Variants in PNLIP observed in about 807,000 individuals in gnomAD.
PNLIP encodes pancreatic lipase.
A neutral mutation model predicts 57.1 loss-of-function variants in PNLIP; 49 were observed. That is an observed-to-expected ratio of 0.86 (90% CI 0.68 to 1.09). PNLIP has a LOEUF of 1.09. Ranked by LOEUF, PNLIP falls within the 50% of genes least tolerant of loss-of-function variation. The pLI is 0.00. For synonymous variants in PNLIP, 209 were observed against 200.4 expected (o/e 1.04, Z -0.36); for missense variants, 503 against 570.2 (o/e 0.88, Z 1.20).
chr10:116,552,411 G>T (rs984334176), intron 5 of PNLIP, among the ~76,000 whole-genome samples: 3 of 152,064 alleles, frequency 2.0e-5, no homozygotes, highest in Non-Finnish European at 4.4e-5. Context: ...TCCTGACCCT[G>T]TGTAGGCCTA....
In PNLIP at chr10:116,556,196, C is replaced by T. The variant is rs180853154; in HGVS notation, c.930+78C>T. 9.0e-6 allele frequency: 7 copies of T among 780,648 alleles called. No homozygotes were observed. The East Asian group carries it at 1.5e-4, about 16-fold the overall frequency. 48.4% of individuals were successfully genotyped at this position (780,648 alleles called of 1,614,324 possible). On this transcript the variant is annotated intron_variant, in intron 9 of 12. Transcript: ENST00000369221. ...GACTGGTGTGCTTTCCTATACATGA[C>T]ATCATTCAATGAATGTTTATACTTT... is the stretch of plus-strand genomic sequence containing the variant.
At chr10:116,554,510 T>C (rs1847231272) in intron 6 of PNLIP, among the ~76,000 whole-genome samples, 1 of 152,146 alleles carries the variant, frequency 6.6e-6, no homozygotes, top group African/African-American at 2.4e-5. Flanking sequence ...AGCTCACATA[T>C]TGGATACCCA....
chr10:116,547,918 T>G (rs2133197505), intron 3 of PNLIP, among the ~76,000 whole-genome samples: 1 of 152,162 alleles, frequency 6.6e-6, no homozygotes, highest in East Asian at 1.9e-4. Context: ...CTTCATATTA[T>G]TCTTGTCCTT....
chr10:116,551,103 G>A lies in PNLIP; in HGVS notation c.330G>A (p.Leu110=). 6.3e-7 allele frequency: 1 copy of A among 1,591,320 alleles called. No individual in the cohort carries two copies. The highest frequency in any genetic ancestry group is 1.7e-5 in the Admixed American group (1 of 57,656). The change falls in exon 5 of 13, where the codon CTG becomes CTA. Residue 110 remains leucine (L), a synonymous_variant. Coordinates refer to ENST00000369221, the MANE Select transcript of PNLIP (RefSeq NM_000936.4). The part of the protein sequence containing the change: ...ENWLANVCKN[L]FKVESVNCIC... ...TATTGTGCCCCTTCCACCAGAATCT[G>A]TTCAAGGTGGAAAGTGTGAACTGTA...
At chr10:116,557,865 A>T (rs1213937899) in intron 9 of PNLIP, among the ~76,000 whole-genome samples, 3 of 152,120 alleles carry the variant, frequency 2.0e-5, no homozygotes, top group Non-Finnish European at 4.4e-5. Flanking sequence ...TCAGCCTCAC[A>T]GTAAGCCTTA....
At position 116,546,130 on chromosome 10, in the gene PNLIP, C is replaced by T. The variant is rs748617378; in HGVS notation, c.38C>T (p.Ala13Val). 8 of 1,613,192 alleles carry T rather than the reference C, an allele frequency of 5.0e-6. No individual in the cohort carries two copies. The Admixed American group carries it at 1.3e-4, about 27-fold the overall frequency. Residue 13 changes from alanine to valine, a missense_variant, in exon 2 of 13, where the codon GCA becomes GTA. Coordinates refer to ENST00000369221, the MANE Select transcript of PNLIP (RefSeq NM_000936.4). ...PLWTLSLLLG[A>V]VAGKEVCYER... ...TGGACTCTTTCACTGCTGCTGGGAG[C>T]AGTAGCAGGTAAGAAAACAAATAAA...
At position 116,559,188 on chromosome 10, in the gene PNLIP, C is replaced by A. The variant is rs778964610; in HGVS notation, c.965C>A (p.Pro322Gln). ...TTCCCTTGTCCAAGTGGAGGCTGCC[C>A]ACAGATGGGTCACTATGCTGATAGA... is the stretch of plus-strand genomic sequence containing the variant. ...KCFPCPSGGCPQMGHYADRYP... is the reference protein window; with the variant it reads ...KCFPCPSGGCQQMGHYADRYP... Residue 322 changes from proline (P) to glutamine (Q), a missense_variant, in exon 10 of 13, where the codon CCA becomes CAA. Physicochemically the swap from Pro to Gln is moderately conservative, Grantham distance 76. Transcript: ENST00000369221. The A allele has an allele frequency of 2.5e-6, 4 of 1,613,436 alleles. No homozygotes were observed. In the African/African-American group the frequency reaches 5.3e-5, roughly 22 times the overall value.
At chr10:116,558,220 C>T (rs1189196916) in intron 9 of PNLIP, among the ~76,000 whole-genome samples, 14 of 136,704 alleles carry the variant, frequency 1.0e-4, no homozygotes, top group East Asian at 6.4e-4. Flanking sequence ...TTTTTTGAGA[C>T]GGAGTCTCGC....
At chr10:116,553,995 C>G (rs534788371) in intron 6 of PNLIP, among the ~76,000 whole-genome samples, 157 bp downstream of exon 6, 1 of 151,716 alleles carries the variant, frequency 6.6e-6, no homozygotes, top group Non-Finnish European at 1.5e-5. Context: ...CTAAATGCAG[C>G]CTGTATGTGA....
At chr10:116,558,506 C>T (rs965640932) in intron 9 of PNLIP, among the ~76,000 whole-genome samples, 3 of 151,432 alleles carry the variant, frequency 2.0e-5, no homozygotes, top group African/African-American at 7.3e-5. Context: ...CTTATGCAAT[C>T]TTTCTAAAAT....
chr10:116,553,061 A>C (rs865802741), intron 5 of PNLIP, among the ~76,000 whole-genome samples: 3 of 152,176 alleles, frequency 2.0e-5, no homozygotes, highest in Admixed American at 6.5e-5. Flanking sequence ...CCAGTCCTGC[A>C]AGCTCCATTC....
rs368853199 is a variant in PNLIP, at chr10:116,567,848, G to A, written c.*50G>A. The A allele has an allele frequency of 3.7e-6, 5 of 1,335,236 alleles. No homozygotes were observed. Among genetic ancestry groups the A allele is most frequent in the Non-Finnish European group, 4.3e-6 (4 of 925,494 alleles). The allele number at this position is 1,335,236 out of a possible 1,614,324, so 82.7% of individuals were successfully genotyped here. ...AATTGACTTCTAATAAAATCTAGTG[G>A]TGATGCATTACATGCCTGTTTCTTT... On this transcript the variant is annotated 3_prime_UTR_variant, in exon 13 of 13. Coordinates refer to ENST00000369221, the MANE Select transcript of PNLIP (RefSeq NM_000936.4).
Position 116,547,437 on chromosome 10 carries a change from A to G in PNLIP, c.190A>G (p.Asn64Asp). 6.2e-7 allele frequency: 1 copy of G among 1,612,018 alleles called. No homozygotes were observed. The highest frequency in any genetic ancestry group is 8.5e-7 in the Non-Finnish European group (1 of 1,179,412). ...CCTCCTATATACTAATGAGAACCCA[A>G]ACAACTTTCAAGTAAGAACTATCAC... ...RFLLYTNENP[N>D]NFQEVAADSS... The change falls in exon 3 of 13, where the codon AAC becomes GAC. Residue 64 changes from asparagine to aspartate, a missense_variant. By Grantham distance (23) the Asn-to-Asp change is conservative (BLOSUM62 1). Coordinates refer to ENST00000369221, the MANE Select transcript of PNLIP (RefSeq NM_000936.4).
At chr10:116,564,527 G>C (rs1026767747) in intron 12 of PNLIP, among the ~76,000 whole-genome samples, 8 of 152,008 alleles carry the variant, frequency 5.3e-5, no homozygotes, top group Admixed American at 2.0e-4. Flanking sequence ...GTCAAAGGAA[G>C]GCCTTCAGGC....
At chr10:116,559,015 C>A in intron 9 of PNLIP, 139 bp from the exon 10 acceptor site, 1 of 946,596 alleles carries the variant, frequency 1.1e-6, no homozygotes, top group Non-Finnish European at 1.5e-6. Context: ...ATCTTTGCTG[C>A]TGAGACACTA....
chr10:116,552,125 G>A (rs1288097003), intron 5 of PNLIP, among the ~76,000 whole-genome samples: 2 of 152,026 alleles, frequency 1.3e-5, no homozygotes, highest in Non-Finnish European at 2.9e-5. Flanking sequence ...TTATATAAAA[G>A]TCTACCACAT....
intron 5 of PNLIP, among the ~76,000 whole-genome samples, 174 bp from the exon 6 acceptor site, chr10:116,553,552 AC>A (rs1847217604): frequency 6.6e-6 from 1 of 152,216 alleles, no homozygotes; most frequent in South Asian, 2.1e-4. Flanking sequence ...AACAGGCTGT[AC>A]CACACAGCCC....
intron 12 of PNLIP, among the ~76,000 whole-genome samples, chr10:116,563,565 C>T (rs1847336253): frequency 6.6e-6 from 1 of 152,088 alleles, no homozygotes; most frequent in Admixed American, 6.5e-5. Context: ...CCCCAAGTCC[C>T]CAAAGTCCTT....
intron 6 of PNLIP, among the ~76,000 whole-genome samples, chr10:116,554,047 GTT>G (rs1480573444): frequency 1.3e-5 from 2 of 151,986 alleles, no homozygotes; most frequent in East Asian, 3.9e-4. Context: ...GCAACCCTAC[GTT>G]TTACCTTTTC....
Sources: gnomAD v4.1 joint callset for allele counts (sites outside exome capture counted in the v4.1 genomes callset) on GRCh38, gnomAD v4.1.1 for gene constraint, MANE v1.5 for transcripts, NCBI Gene and HGNC (gene_info 2026-07-23, HGNC 2026-07-21) for gene names.